LINGO2: variants seen among roughly 807,000 people sequenced by gnomAD.
LINGO2 encodes the protein leucine rich repeat and Ig domain containing 2, also known as leucine-rich repeat and immunoglobulin-like domain-containing nogo receptor-interacting protein 2.
LINGO2 carries 14 observed loss-of-function variants against 30.6 expected under a neutral mutation model. The observed-to-expected ratio is 0.46, with a 90% CI of 0.30 to 0.72. The LOEUF is 0.72. Among genes scored for constraint, LINGO2 ranks in the 30% least tolerant of loss-of-function variants. The pLI, the probability that LINGO2 is intolerant of heterozygous loss-of-function variation, is 0.07. For missense variants in LINGO2, 729 were observed against 751.7 expected (o/e 0.97, Z 0.35); for synonymous variants, 317 against 288.5 (o/e 1.10, Z -1.00).
intron 5 of LINGO2, among the ~76,000 whole-genome samples, chr9:27,993,279 A>C (rs1821489229): frequency 6.6e-6 from 1 of 152,108 alleles, no homozygotes. Flanking sequence ...TTGTTGAGGT[A>C]ATATTTTGAA....
intron 1 of LINGO2, among the ~76,000 whole-genome samples, chr9:28,510,762 A>G (rs1587781555): frequency 2.0e-5 from 3 of 152,092 alleles, no homozygotes; most frequent in East Asian, 3.9e-4. Flanking sequence ...GACCTTGACT[A>G]TATATTTAAA....
At chr9:29,051,390 A>G in the LINGO2 span, among the ~76,000 whole-genome samples, 1 of 152,182 alleles carries the variant, frequency 6.6e-6, no homozygotes, top group African/African-American at 2.4e-5. Context: ...AGTGTTTTCA[A>G]TTGGCTTTTC....
At chr9:28,154,303 ATAT>A (rs1240595347) in intron 4 of LINGO2, among the ~76,000 whole-genome samples, 2 of 152,218 alleles carry the variant, frequency 1.3e-5, no homozygotes, top group Admixed American at 6.5e-5. Flanking sequence ...TTGGGTCATA[ATAT>A]TAAGACGTTT....
the LINGO2 span, among the ~76,000 whole-genome samples, chr9:28,845,290 A>G: frequency 4.0e-5 from 6 of 151,864 alleles, no homozygotes; most frequent in Admixed American, 3.3e-4. Flanking sequence ...GACATAAAAG[A>G]TTTGTTTTTT....
intron 1 of LINGO2, among the ~76,000 whole-genome samples, chr9:28,640,503 G>T (rs1161334316): frequency 6.8e-6 from 1 of 147,272 alleles, no homozygotes; most frequent in Non-Finnish European, 1.5e-5. Flanking sequence ...CATATTTCTT[G>T]GAGGCCTTGT....
the LINGO2 span, among the ~76,000 whole-genome samples, chr9:28,838,140 T>C: frequency 6.6e-6 from 1 of 152,106 alleles, no homozygotes; most frequent in Non-Finnish European, 1.5e-5. Context: ...TATTTCCCTT[T>C]TCACCCCCAT....
At chr9:28,955,295 A>T in the LINGO2 span, among the ~76,000 whole-genome samples, 1 of 152,172 alleles carries the variant, frequency 6.6e-6, no homozygotes, top group African/African-American at 2.4e-5. Flanking sequence ...CTATCATATT[A>T]GATTGTCAAT....
At chr9:29,000,829 T>G in the LINGO2 span, among the ~76,000 whole-genome samples, 1 of 152,000 alleles carries the variant, frequency 6.6e-6, no homozygotes. Context: ...GTATTAAGGT[T>G]GAGGAATATT....
chr9:28,491,944 G>T (rs889136465), intron 1 of LINGO2, among the ~76,000 whole-genome samples: 1 of 152,154 alleles, frequency 6.6e-6, no homozygotes, highest in Non-Finnish European at 1.5e-5. Context: ...TGGGAAAAAG[G>T]GTGTATTATT....
intron 1 of LINGO2, among the ~76,000 whole-genome samples, chr9:28,561,946 T>G (rs990847922): frequency 1.3e-5 from 2 of 151,308 alleles, no homozygotes; most frequent in African/African-American, 4.8e-5. Flanking sequence ...GCTTTTCAAT[T>G]TGTACTCGCT....
chr9:28,313,489 G>T (rs927295808), intron 3 of LINGO2, among the ~76,000 whole-genome samples: 12 of 152,132 alleles, frequency 7.9e-5, no homozygotes, highest in Non-Finnish European at 1.6e-4. Flanking sequence ...AGTTGACTGT[G>T]CCCCTTTTTT....
chr9:29,147,653 C>G, the LINGO2 span, among the ~76,000 whole-genome samples: 1 of 152,036 alleles, frequency 6.6e-6, no homozygotes, highest in East Asian at 1.9e-4. Flanking sequence ...GCCTCATAAA[C>G]ATACCCTTCA....
chr9:28,696,752 A>G, the LINGO2 span, among the ~76,000 whole-genome samples: 3 of 151,928 alleles, frequency 2.0e-5, no homozygotes, highest in South Asian at 2.1e-4. Flanking sequence ...AACATGTTAC[A>G]TGGGTAGTAG....
At chr9:29,039,002 T>C in the LINGO2 span, among the ~76,000 whole-genome samples, 35 of 152,300 alleles carry the variant, frequency 2.3e-4, no homozygotes, top group African/African-American at 8.4e-4. Flanking sequence ...CAGTGACTAC[T>C]CAAATAATCA....
chr9:28,974,188 A>G, the LINGO2 span, among the ~76,000 whole-genome samples: 2 of 152,196 alleles, frequency 1.3e-5, no homozygotes, highest in Admixed American at 1.3e-4. Flanking sequence ...CAGGCAGATC[A>G]CAGGTCAGGA....
rs1445366238 is a variant in LINGO2, at chr9:28,465,554, GA to G, written c.-279+10385del. On this transcript the variant is annotated intron_variant, in intron 2 of 5. Transcript: ENST00000379992. The stretch of plus-strand genomic sequence containing the variant: ...GGCCACAAATTCAGGCTTGAGGGTG[GA>G]GCCCTTGCCAGGGACTCCGCCCTCT... Among the ~76,000 whole-genome samples the G allele has an allele frequency of 3.3e-5, 5 of 152,126 alleles. No individual in the cohort carries two copies. In the East Asian group the frequency reaches 9.7e-4, roughly 29 times the overall value.
chr9:28,994,907 A>C, the LINGO2 span, among the ~76,000 whole-genome samples: 9 of 152,264 alleles, frequency 5.9e-5, no homozygotes, highest in Non-Finnish European at 1.2e-4. Context: ...ACCTAAAACC[A>C]TAAAAACCCT....
At chr9:28,373,626 G>C (rs545139846) in intron 2 of LINGO2, among the ~76,000 whole-genome samples, 1 of 152,064 alleles carries the variant, frequency 6.6e-6, no homozygotes, top group Non-Finnish European at 1.5e-5. Flanking sequence ...CAGGCCGGGC[G>C]CAGTGGCTCA....
chr9:28,151,091 C>A (rs1292158438), intron 4 of LINGO2, among the ~76,000 whole-genome samples: 4 of 152,046 alleles, frequency 2.6e-5, no homozygotes, highest in Non-Finnish European at 5.9e-5. Flanking sequence ...AGTAAATACT[C>A]GAGAGAAAAC....
Sources: gnomAD v4.1 joint callset for allele counts (sites outside exome capture counted in the v4.1 genomes callset) on GRCh38, gnomAD v4.1.1 for gene constraint, MANE v1.5 for transcripts, NCBI Gene and HGNC (gene_info 2026-07-23, HGNC 2026-07-21) for gene names.